The following RUNX1T1 variants were observed in gnomAD, a reference collection of about 807,000 sequenced individuals.
RUNX1T1 encodes RUNX1 partner transcriptional co-repressor 1.
In RUNX1T1, 4 loss-of-function variants were observed where a neutral mutation model predicts 62.8. The ratio of observed to expected loss-of-function variants is 0.06; its 90% CI spans 0.03 to 0.15. RUNX1T1 has a LOEUF of 0.15. Ranked by LOEUF, RUNX1T1 falls within the 10% of genes least tolerant of loss-of-function variation. RUNX1T1 has a pLI of 1.00. For synonymous variants in RUNX1T1, 291 were observed against 286.0 expected (o/e 1.02, Z -0.18); for missense variants, 508 against 754.3 (o/e 0.67, Z 3.82).
rs796376751 is a variant in RUNX1T1 at position 92,089,952 on chromosome 8, A to AT, written c.-86+9627dup. On this transcript the variant is annotated intron_variant, in intron 1 of 11. Transcript: ENST00000265814. ...AAAAAAAAAAAAAAAAAAAAAAAGCATTTTTTTTTCACTCTCCTAACCCTG... is the reference window on the plus strand; with the variant it reads ...AAAAAAAAAAAAAAAAAAAAAAAGCATTTTTTTTTTCACTCTCCTAACCCTG... Among the ~76,000 whole-genome samples, 513 of 129,438 alleles carry AT rather than the reference A, an allele frequency of 4.0e-3. 3 individuals carry two copies. Among genetic ancestry groups the AT allele is most frequent in the Middle Eastern group, 8.1e-3 (2 of 246 alleles). The allele number at this position is 129,438 out of a possible 152,430, so 84.9% of individuals were successfully genotyped here.
At chr8:92,101,872 C>G (rs1199816383), upstream of RUNX1T1, among the ~76,000 whole-genome samples, 2 of 152,212 alleles carry the variant, frequency 1.3e-5, no homozygotes, top group Admixed American at 1.3e-4. Flanking sequence ...CGCCAACCAA[C>G]CCGGTCCTTT....
At chr8:92,028,561 A>C (rs982409804) in intron 1 of RUNX1T1, among the ~76,000 whole-genome samples, 2 of 152,290 alleles carry the variant, frequency 1.3e-5, no homozygotes, top group Admixed American at 1.3e-4. Context: ...AAGTCAATAC[A>C]CTTCAAATAG....
rs988953678 is a variant in RUNX1T1 at position 92,041,152 on chromosome 8, A to G, written c.7+21394T>C. On this transcript the variant is annotated intron_variant, in intron 1 of 10. Coordinates refer to ENST00000396218, the Ensembl canonical transcript of RUNX1T1. Reference sequence around the variant, plus strand: ...AGATCTTATTCATATTACCATTTTCAGGTGAAAAAACTGAGCTTTAAAAAG... The same window carrying G: ...AGATCTTATTCATATTACCATTTTCGGGTGAAAAAACTGAGCTTTAAAAAG... 1.1e-3 allele frequency among the ~76,000 whole-genome samples: 173 copies of G among 152,342 alleles called. 2 individuals carry two copies. Among genetic ancestry groups the G allele is most frequent in the African/African-American group, 4.0e-3 (167 of 41,576 alleles).
chr8:92,046,367 A>T (rs912012427), intron 1 of RUNX1T1, among the ~76,000 whole-genome samples: 11 of 151,958 alleles, frequency 7.2e-5, no homozygotes, highest in Non-Finnish European at 1.6e-4. Context: ...TACAAAGATT[A>T]AAAAAAATTT....
At chr8:92,062,480 T>G in intron 1 of RUNX1T1, 1 of 1,532,558 alleles carries the variant, frequency 6.5e-7, no homozygotes, top group Non-Finnish European at 9.0e-7. Flanking sequence ...GTATTTTCCA[T>G]GCATAATAGA....
rs540813123 is a variant in RUNX1T1, at chr8:92,054,958, T to A, written c.7+7588A>T. 3.3e-5 allele frequency among the ~76,000 whole-genome samples: 5 copies of A among 152,080 alleles called. No individual in the cohort carries two copies. The East Asian group carries it at 7.8e-4, about 24-fold the overall frequency. Reference sequence around the variant, plus strand: ...AGATGGAGGTTGCAGTGAGCCAAGATTGCGCCACTGCACTCCAGCCTGGGC... The same window carrying A: ...AGATGGAGGTTGCAGTGAGCCAAGAATGCGCCACTGCACTCCAGCCTGGGC... On this transcript the variant is annotated intron_variant, in intron 1 of 10. Coordinates refer to ENST00000396218, the Ensembl canonical transcript of RUNX1T1.
At chr8:91,957,446 GAGGAGGAAGAGGGGA>G (rs897075644), downstream of RUNX1T1, 5 of 231,564 alleles carry the variant, frequency 2.2e-5, no homozygotes, top group South Asian at 1.8e-4. Context: ...AGGAGAGGAA[GAGGAGGAAGAGGGGA>G]AGGAGGAAGA....
chr8:92,025,621 T>C (rs934054445), intron 1 of RUNX1T1, among the ~76,000 whole-genome samples: 4 of 152,228 alleles, frequency 2.6e-5, no homozygotes, highest in African/African-American at 9.6e-5. Context: ...TATTAGACTG[T>C]CTAGATCCCT....
intron 8 of RUNX1T1, among the ~76,000 whole-genome samples, chr8:91,982,011 G>A (rs573584823): frequency 1.3e-5 from 2 of 151,924 alleles, no homozygotes; most frequent in Admixed American, 6.6e-5. Flanking sequence ...TTGGGAGGCC[G>A]AGGTAGGCAG....
At chr8:91,967,562 C>T (rs1811911141) in intron 10 of RUNX1T1, among the ~76,000 whole-genome samples, 1 of 152,112 alleles carries the variant, frequency 6.6e-6, no homozygotes, top group African/African-American at 2.4e-5. Context: ...CCGTTTTATA[C>T]ATGTGAAAGA....
intron 8 of RUNX1T1, among the ~76,000 whole-genome samples, chr8:91,983,470 G>C (rs1277237611): frequency 6.6e-6 from 1 of 152,130 alleles, no homozygotes; most frequent in East Asian, 1.9e-4. Flanking sequence ...AGGGATATAA[G>C]TAGGGCAATA....
chr8:91,995,949 C>A (rs1251367083), intron 5 of RUNX1T1, among the ~76,000 whole-genome samples: 1 of 152,246 alleles, frequency 6.6e-6, no homozygotes, highest in East Asian at 1.9e-4. Context: ...CAATTAATTG[C>A]CATTTGTCTG....
chr8:92,020,230 G>A (rs1230127715), intron 1 of RUNX1T1, among the ~76,000 whole-genome samples: 1 of 152,130 alleles, frequency 6.6e-6, no homozygotes. Context: ...TAAGATAAAT[G>A]CGGAAAATGT....
At chr8:92,009,895 A>C (rs934380262) in intron 4 of RUNX1T1, 2 of 152,206 alleles carry the variant, frequency 1.3e-5, no homozygotes, top group African/African-American at 4.8e-5. Flanking sequence ...AAACAGATCT[A>C]ATTTCTGGTT....
intron 1 of RUNX1T1, among the ~76,000 whole-genome samples, chr8:92,025,830 A>T (rs906297728): frequency 2.6e-5 from 4 of 152,370 alleles, no homozygotes; most frequent in Non-Finnish European, 5.9e-5. Context: ...TGGAAAAATT[A>T]ATCACTAAAG....
chr8:92,043,308 A>C (rs1318447799), intron 1 of RUNX1T1, among the ~76,000 whole-genome samples: 1 of 152,160 alleles, frequency 6.6e-6, no homozygotes, highest in East Asian at 1.9e-4. Context: ...AAGTGTCCCC[A>C]AATTAAGTTT....
chr8:91,972,075 T>C (rs1354100007), intron 9 of RUNX1T1, among the ~76,000 whole-genome samples: 1 of 152,174 alleles, frequency 6.6e-6, no homozygotes, highest in Non-Finnish European at 1.5e-5. Flanking sequence ...CATTCAAGTG[T>C]TTGCACTTAA....
rs138740592 is a variant in RUNX1T1 at position 92,005,259 on chromosome 8, G to A, written c.516C>T (p.Cys172=). Reference sequence around the variant, plus strand: ...CAGGGTTCTGTTTGGCCAGTCTTGCGCAGTGGAGGAGCTCACGCTGCAGCA... The same window carrying A: ...CAGGGTTCTGTTTGGCCAGTCTTGCACAGTGGAGGAGCTCACGCTGCAGCA... Residue 172 remains cysteine, a synonymous_variant, in exon 5 of 11, where the codon TGC becomes TGT. Transcript: ENST00000396218. The A allele has an allele frequency of 4.9e-5, 79 of 1,613,300 alleles. No individual in the cohort carries two copies. Among genetic ancestry groups the A allele is most frequent in the Admixed American group, 2.7e-4 (16 of 59,726 alleles).
At chr8:92,006,015 T>A (rs549269824) in intron 4 of RUNX1T1, 1 of 106,358 alleles carries the variant, frequency 9.4e-6, no homozygotes, top group African/African-American at 4.5e-5. Flanking sequence ...CACACACACA[T>A]ATTTCTTCTA....
Sources: allele counts gnomAD v4.1 joint callset (sites outside exome capture counted in the v4.1 genomes callset), GRCh38; gene constraint gnomAD v4.1.1; transcripts MANE v1.5; gene names NCBI Gene and HGNC (gene_info 2026-07-23, HGNC 2026-07-21).